Variants in ASTN2 observed in about 807,000 individuals in gnomAD.
ASTN2 encodes astrotactin-2.
Under a neutral mutation model 139.8 loss-of-function variants are expected in ASTN2, and 54 were observed. That is an observed-to-expected ratio of 0.39 (90% CI 0.31 to 0.48). The LOEUF (loss-of-function observed/expected upper bound fraction) is 0.48, where lower values mean the gene tolerates loss of function less well. Ranked by LOEUF, ASTN2 falls within the 20% of genes least tolerant of loss-of-function variation. The pLI is 0.95. For synonymous variants in ASTN2, 756 were observed against 719.5 expected, an observed-to-expected ratio of 1.05 and a Z score of -0.81; for missense variants, 1,565 against 1,725.1, an observed-to-expected ratio of 0.91 and a Z score of 1.64.
chr9:117,312,705 A>G (rs892442624), intron 1 of ASTN2, among the ~76,000 whole-genome samples: 1 of 152,174 alleles, frequency 6.6e-6, no homozygotes, highest in African/African-American at 2.4e-5. Flanking sequence ...CTCAGGGTCC[A>G]GGGCTCCATA....
At chr9:116,620,281 C>T (rs546537902) in intron 18 of ASTN2, 29 bp downstream of exon 18, 7 of 1,613,828 alleles carry the variant, frequency 4.3e-6, no homozygotes, top group Non-Finnish European at 5.9e-6. Context: ...AAAGGGATGG[C>T]CAAAGGAAAA....
chr9:116,780,127 G>C (rs1241139431), intron 13 of ASTN2, among the ~76,000 whole-genome samples: 1 of 152,142 alleles, frequency 6.6e-6, no homozygotes, highest in Non-Finnish European at 1.5e-5. Context: ...GATTCTAGAA[G>C]ATATAATCTC....
Position 116,848,888 on chromosome 9 carries a change from T to C in ASTN2, c.2040+14695A>G, listed in dbSNP as rs555289449. Among the ~76,000 whole-genome samples, 49 of 152,270 alleles carry C rather than the reference T, an allele frequency of 3.2e-4. 1 individual carries two copies. The highest frequency in any genetic ancestry group is 1.2e-3 in the African/African-American group (49 of 41,564). On this transcript the variant is annotated intron_variant, in intron 11 of 22. Coordinates refer to ENST00000313400, the MANE Select transcript of ASTN2 (RefSeq NM_001365068.1). ...CCCACAGGTTGAGTACTCAGTCCCATAAGACTGCCTCCAATTTCCACTGCC... is the reference window on the plus strand; with the variant it reads ...CCCACAGGTTGAGTACTCAGTCCCACAAGACTGCCTCCAATTTCCACTGCC...
At chr9:117,044,457 C>G (rs1338910283) in intron 5 of ASTN2, among the ~76,000 whole-genome samples, 1 of 152,086 alleles carries the variant, frequency 6.6e-6, no homozygotes, top group Non-Finnish European at 1.5e-5. Flanking sequence ...GGCAACCGGA[C>G]CTGGCAGAAA....
intron 3 of ASTN2, among the ~76,000 whole-genome samples, chr9:117,147,921 A>G (rs1355900255): frequency 1.3e-5 from 2 of 152,100 alleles, no homozygotes; most frequent in African/African-American, 4.8e-5. Flanking sequence ...TGGATGTGAC[A>G]TTTCTGGGCC....
At chr9:117,158,235 A>T (rs995775690) in intron 3 of ASTN2, among the ~76,000 whole-genome samples, 3 of 152,080 alleles carry the variant, frequency 2.0e-5, no homozygotes, top group Non-Finnish European at 4.4e-5. Context: ...GTCCAGATAC[A>T]AAGATACAGA....
chr9:117,185,729 A>T (rs774997881), intron 3 of ASTN2, among the ~76,000 whole-genome samples: 1 of 152,164 alleles, frequency 6.6e-6, no homozygotes, highest in South Asian at 2.1e-4. Context: ...GAGATGGGCT[A>T]GGCACAGAAG....
intron 2 of ASTN2, among the ~76,000 whole-genome samples, chr9:117,288,568 C>G (rs1033799979): frequency 3.9e-5 from 6 of 152,302 alleles, no homozygotes; most frequent in Non-Finnish European, 8.8e-5. Context: ...ATCCTGGCCC[C>G]AGAACTGCCT....
chr9:116,585,983 C>G (rs1244589569), intron 19 of ASTN2: 1 of 151,992 alleles, frequency 6.6e-6, no homozygotes, highest in Non-Finnish European at 1.5e-5. Flanking sequence ...AAAAAATGGG[C>G]AAAAGACATT....
chr9:116,691,694 C>G (rs1390815760), intron 16 of ASTN2, among the ~76,000 whole-genome samples: 1 of 152,154 alleles, frequency 6.6e-6, no homozygotes, highest in Non-Finnish European at 1.5e-5. Context: ...CCTGAGTAAT[C>G]TAAACTTCAT....
intron 20 of ASTN2, among the ~76,000 whole-genome samples, chr9:116,462,787 C>CGTGT (rs1376062376): frequency 2.8e-4 from 27 of 97,632 alleles, no homozygotes; most frequent in South Asian, 1.7e-3. Flanking sequence ...GTTGGGTGAG[C>CGTGT]ATGTGTGTGT....
At chr9:116,666,949 CTTTTTTTTT>C (rs34835904) in intron 16 of ASTN2, among the ~76,000 whole-genome samples, 2 of 70,362 alleles carry the variant, frequency 2.8e-5, no homozygotes, top group African/African-American at 1.2e-4. Flanking sequence ...TTTATTTATT[CTTTTTTTTT>C]TTTTTTTTTT....
chr9:117,093,121 C>T (rs1479894095), intron 5 of ASTN2, among the ~76,000 whole-genome samples: 1 of 152,122 alleles, frequency 6.6e-6, no homozygotes, highest in Non-Finnish European at 1.5e-5. Context: ...CAGAGAAGAT[C>T]CACCCGTCCA....
chr9:116,876,478 T>C (rs1833302312), intron 10 of ASTN2, among the ~76,000 whole-genome samples: 1 of 152,174 alleles, frequency 6.6e-6, no homozygotes, highest in African/African-American at 2.4e-5. Context: ...TTGGAGTAAA[T>C]TGAAAAAATT....
At chr9:117,344,359 G>A (rs1829152188) in intron 1 of ASTN2, among the ~76,000 whole-genome samples, 1 of 152,150 alleles carries the variant, frequency 6.6e-6, no homozygotes, top group Admixed American at 6.5e-5. Context: ...AAGGCAGTGT[G>A]AAGATTTGCT....
intron 16 of ASTN2, among the ~76,000 whole-genome samples, chr9:116,669,207 C>G (rs1277710519): frequency 6.6e-6 from 1 of 152,182 alleles, no homozygotes; most frequent in Non-Finnish European, 1.5e-5. Context: ...GAAGTTACCA[C>G]CCTTATCCTA....
intron 10 of ASTN2, among the ~76,000 whole-genome samples, chr9:116,919,752 T>C (rs1434951184): frequency 1.3e-5 from 2 of 149,800 alleles, no homozygotes; most frequent in African/African-American, 5.0e-5. Flanking sequence ...GAGACTAGCC[T>C]GGGCTACATG....
chr9:117,003,600 A>G (rs941759585), intron 7 of ASTN2, among the ~76,000 whole-genome samples: 9 of 110,540 alleles, frequency 8.1e-5, no homozygotes, highest in African/African-American at 2.8e-4. Flanking sequence ...TATTTTTCAA[A>G]CTGGCTAACA....
chr9:117,009,497 A>G (rs1173006948), intron 6 of ASTN2, among the ~76,000 whole-genome samples: 33 of 152,124 alleles, frequency 2.2e-4, no homozygotes, highest in Non-Finnish European at 8.8e-5. Context: ...TAGCAATAAA[A>G]CAAAACAAAG....
Sources: allele counts gnomAD v4.1 joint callset (sites outside exome capture counted in the v4.1 genomes callset), GRCh38; gene constraint gnomAD v4.1.1; transcripts MANE v1.5; gene names NCBI Gene and HGNC (gene_info 2026-07-23, HGNC 2026-07-21).